ZNF469: variants seen among roughly 807,000 people sequenced by gnomAD.
ZNF469 encodes the protein zinc finger protein 469.
Under a neutral mutation model 1.0 loss-of-function variants are expected in ZNF469, and 1 was observed. That is an observed-to-expected ratio of 1.00 (90% confidence interval 0.35 to 4.73). The LOEUF is 4.73. Ranked by LOEUF, ZNF469 falls within the 30% of genes most tolerant of loss-of-function variation. ZNF469 has a pLI of 0.16. For synonymous variants in ZNF469, 2,703 were observed against 2,363.4 expected, an observed-to-expected ratio of 1.14 and a Z score of -4.17; for missense variants, 6,100 against 5,356.3, an observed-to-expected ratio of 1.14 and a Z score of -4.33.
At chr16:88,137,857 G>C in the ZNF469 span, among the ~76,000 whole-genome samples, 2 of 152,240 alleles carry the variant, frequency 1.3e-5, no homozygotes, top group African/African-American at 4.8e-5. Context: ...TGGGTTTGCA[G>C]ATTTGGCTGG....
Position 88,433,301 on chromosome 16 carries a change from C to A in ZNF469, c.5831C>A (p.Thr1944Asn). Residue 1944 changes from threonine (T) to asparagine (N), a missense_variant, in exon 3 of 3, where the codon ACT (threonine) becomes AAT (asparagine). Physicochemically the swap from Thr to Asn is moderately conservative, Grantham distance 65. Transcript: ENST00000565624. Reference sequence around the variant, plus strand: ...AACCCCTCAGGTCTGGAAGGGGGCACTGTGGAAGGAGGGAAGGTGGCCTGT... The same window carrying A: ...AACCCCTCAGGTCTGGAAGGGGGCAATGTGGAAGGAGGGAAGGTGGCCTGT... ...RVNPSGLEGG[T>N]VEGGKVACGP... 6.5e-7 allele frequency: 1 copy of A among 1,550,342 alleles called. No individual in the cohort carries two copies. The highest frequency in any genetic ancestry group is 8.7e-7 in the Non-Finnish European group (1 of 1,146,948).
chr16:88,224,453 C>G, the ZNF469 span, among the ~76,000 whole-genome samples: 2 of 152,212 alleles, frequency 1.3e-5, no homozygotes, highest in Non-Finnish European at 1.5e-5. Flanking sequence ...AAAGGGCCTT[C>G]TTTCTGTTTC....
the ZNF469 span, among the ~76,000 whole-genome samples, chr16:88,287,140 C>T: frequency 2.0e-5 from 3 of 152,206 alleles, no homozygotes; most frequent in Non-Finnish European, 2.9e-5. Flanking sequence ...TGCTTTATTT[C>T]ACCGAATCTT....
At chr16:88,331,211 AACCGTCACCACCACC>A in the ZNF469 span, among the ~76,000 whole-genome samples, 2 of 68,956 alleles carry the variant, frequency 2.9e-5, no homozygotes, top group Non-Finnish European at 6.0e-5. Flanking sequence ...CCACCATCAC[AACCGTCACCACCACC>A]ACCATCACCA....
At chr16:88,300,558 G>A in the ZNF469 span, among the ~76,000 whole-genome samples, 10 of 152,006 alleles carry the variant, frequency 6.6e-5, no homozygotes, top group East Asian at 3.9e-4. Flanking sequence ...CGCTTCTCTC[G>A]GTGGCTCCAT....
chr16:88,135,160 G>C, the ZNF469 span, among the ~76,000 whole-genome samples: 122 of 152,336 alleles, frequency 8.0e-4, no homozygotes, highest in Middle Eastern at 3.4e-3. Context: ...CTGCGGACCC[G>C]AGCATTCCGT....
the ZNF469 span, among the ~76,000 whole-genome samples, chr16:88,138,862 A>G: frequency 1.3e-5 from 2 of 152,260 alleles, no homozygotes; most frequent in African/African-American, 4.8e-5. Flanking sequence ...GGTCATCGCC[A>G]AAGGAATAAG....
chr16:88,379,498 G>A (rs1008623170), upstream of ZNF469, among the ~76,000 whole-genome samples: 36 of 152,124 alleles, frequency 2.4e-4, no homozygotes, highest in African/African-American at 7.9e-4. Context: ...GGGAAGAGGC[G>A]CTGCCAGGGC....
chr16:88,199,530 G>A, the ZNF469 span, among the ~76,000 whole-genome samples: 2 of 152,206 alleles, frequency 1.3e-5, no homozygotes, highest in African/African-American at 2.4e-5. Flanking sequence ...ATTGTTTGAT[G>A]AAGGTGCCCT....
chr16:88,380,464 C>CACAG, upstream of ZNF469, among the ~76,000 whole-genome samples: 1 of 135,356 alleles, frequency 7.4e-6, no homozygotes, highest in African/African-American at 3.4e-5. Context: ...CATGCACACA[C>CACAG]ACATGCACTC....
the ZNF469 span, among the ~76,000 whole-genome samples, chr16:88,342,217 G>A: frequency 3.3e-5 from 5 of 152,092 alleles, no homozygotes; most frequent in African/African-American, 1.2e-4. Context: ...TGCTGGGAAG[G>A]TGACTCGAGA....
At chr16:88,408,770 C>A in intron 1 of ZNF469, among the ~76,000 whole-genome samples, 1 of 152,226 alleles carries the variant, frequency 6.6e-6, no homozygotes, top group East Asian at 1.9e-4. Context: ...CCAGCTGGCC[C>A]GAGAGAGGGG....
At chr16:88,202,505 G>C in the ZNF469 span, among the ~76,000 whole-genome samples, 1 of 152,158 alleles carries the variant, frequency 6.6e-6, no homozygotes, top group Non-Finnish European at 1.5e-5. Flanking sequence ...AGGTGTCTGC[G>C]GCACCTGTCT....
the ZNF469 span, among the ~76,000 whole-genome samples, chr16:88,232,139 G>A: frequency 5.3e-5 from 8 of 152,302 alleles, no homozygotes; most frequent in South Asian, 8.3e-4. Flanking sequence ...CAACGTTGAC[G>A]GCAAGGTCCC....
the ZNF469 span, among the ~76,000 whole-genome samples, chr16:88,335,934 G>A: frequency 1.9e-4 from 29 of 151,086 alleles, no homozygotes; most frequent in Non-Finnish European, 2.7e-4. Context: ...CATCCTTCTC[G>A]TGAGACACTA....
At chr16:88,298,984 C>T in the ZNF469 span, among the ~76,000 whole-genome samples, 1 of 152,206 alleles carries the variant, frequency 6.6e-6, no homozygotes. Flanking sequence ...GCCCGGGGAA[C>T]CTAGGCCAGC....
At chr16:88,373,029 T>C in the ZNF469 span, among the ~76,000 whole-genome samples, 4 of 152,360 alleles carry the variant, frequency 2.6e-5, no homozygotes, top group Non-Finnish European at 5.9e-5. Flanking sequence ...ATCGCCATCA[T>C]CCTCTTCATC....
the ZNF469 span, among the ~76,000 whole-genome samples, chr16:88,104,030 C>G: frequency 6.6e-6 from 1 of 152,028 alleles, no homozygotes; most frequent in Non-Finnish European, 1.5e-5. Context: ...TTGCCTGCGT[C>G]TGCTGTGCCC....
chr16:88,317,960 T>G, the ZNF469 span, among the ~76,000 whole-genome samples: 7 of 152,238 alleles, frequency 4.6e-5, no homozygotes, highest in African/African-American at 1.7e-4. Flanking sequence ...TCCCCGTGCC[T>G]TGGCACTCAG....
Sources: gnomAD v4.1 joint callset for allele counts (sites outside exome capture counted in the v4.1 genomes callset) on GRCh38, gnomAD v4.1.1 for gene constraint, MANE v1.5 for transcripts, NCBI Gene and HGNC (gene_info 2026-07-23, HGNC 2026-07-21) for gene names.